The following DMD variants were observed in gnomAD, a reference collection of about 807,000 sequenced individuals.
DMD encodes the protein mutant dystrophin.
DMD carries 63 observed loss-of-function variants against 330.1 expected under a neutral mutation model. That is an observed-to-expected ratio of 0.19 (90% CI 0.16 to 0.24). The LOEUF is 0.24. Ranked by LOEUF, DMD falls within the 10% of genes least tolerant of loss-of-function variation. The pLI, the probability that DMD is intolerant of heterozygous loss-of-function variation, is 1.00. For synonymous variants in DMD, 1,223 were observed against 959.8 expected (o/e 1.27, Z -5.07); for missense variants, 3,344 against 2,684.1 (o/e 1.25, Z -5.43).
At chrX:31,351,159 T>TATACACAC (rs1556545835) in intron 60 of DMD, among the ~76,000 whole-genome samples, 6 of 105,138 alleles carry the variant, frequency 5.7e-5, no homozygotes, top group East Asian at 6.1e-4. Context: ...CATACATATA[T>TATACACAC]ACACACACAC....
At chrX:33,016,681 C>T (rs2093809449) in intron 2 of DMD, among the ~76,000 whole-genome samples, 1 of 111,803 alleles carries the variant, frequency 8.9e-6, no homozygotes, top group Non-Finnish European at 1.9e-5. Context: ...AAGATGATTA[C>T]TAAATTCAGT....
intron 39 of DMD, among the ~76,000 whole-genome samples, chrX:32,345,206 T>G (rs764567973): frequency 9.0e-6 from 1 of 111,466 alleles, no homozygotes; most frequent in South Asian, 3.7e-4. Flanking sequence ...TAGTGATTAT[T>G]GCAAAGCATA....
At chrX:31,900,575 G>A (rs2094408906) in intron 47 of DMD, among the ~76,000 whole-genome samples, 1 of 111,405 alleles carries the variant, frequency 9.0e-6, no homozygotes, top group Non-Finnish European at 1.9e-5. Flanking sequence ...TTTATCCGCA[G>A]TGTGAAAATG....
chrX:32,859,836 C>T (rs919212922), intron 2 of DMD, among the ~76,000 whole-genome samples: 10 of 111,319 alleles, frequency 9.0e-5, no homozygotes, highest in African/African-American at 3.3e-4. Context: ...AAAATTCAAC[C>T]TTTAATGGCT....
At position 31,765,583 on chromosome X, in the gene DMD, A is replaced by G. The variant is rs2089940594; in HGVS notation, c.7542+8377T>C. Among the ~76,000 whole-genome samples, 3 of 112,115 alleles carry G rather than the reference A, an allele frequency of 2.7e-5. No homozygotes were observed. The South Asian group carries it at 1.1e-3, about 41-fold the overall frequency. ...ATCAAAAGTAAGCACTTGAAGGAGG[A>G]AAGAAAATACTAGTAGTATTTAATT... On this transcript the variant is annotated intron_variant, in intron 51 of 78. Coordinates refer to ENST00000357033, the MANE Select transcript of DMD (RefSeq NM_004006.3).
chrX:32,256,275 A>G (rs1009057718), intron 43 of DMD, among the ~76,000 whole-genome samples: 10 of 109,583 alleles, frequency 9.1e-5, no homozygotes, highest in Non-Finnish European at 1.3e-4. Context: ...TTGTTGGTTT[A>G]AAGTCTGTTT....
chrX:33,012,607 TC>T (rs2093722282), intron 2 of DMD, among the ~76,000 whole-genome samples: 1 of 111,546 alleles, frequency 9.0e-6, no homozygotes, highest in African/African-American at 3.2e-5. Context: ...AAGGTGATAC[TC>T]ATTTAGTAGA....
intron 17 of DMD, among the ~76,000 whole-genome samples, chrX:32,520,522 A>G (rs2046314990): frequency 9.0e-6 from 1 of 111,598 alleles, no homozygotes; most frequent in South Asian, 3.7e-4. Context: ...GGTGTCCCTT[A>G]ACCAGTGAGA....
At chrX:32,506,517 G>A (rs1330155029) in intron 18 of DMD, among the ~76,000 whole-genome samples, 3 of 107,998 alleles carry the variant, frequency 2.8e-5, no homozygotes, top group African/African-American at 1.0e-4. Flanking sequence ...TAAATTAAGA[G>A]TAAAATTTAA....
chrX:32,092,884 A>G (rs905013038), intron 44 of DMD, among the ~76,000 whole-genome samples: 8 of 109,224 alleles, frequency 7.3e-5, no homozygotes, highest in African/African-American at 2.7e-4. Context: ...ATCACTATTA[A>G]AACGCAACTT....
chrX:31,702,810 C>T (rs773575059), intron 52 of DMD, among the ~76,000 whole-genome samples: 2 of 108,817 alleles, frequency 1.8e-5, no homozygotes, highest in Non-Finnish European at 1.9e-5. Flanking sequence ...TAATGTTAGC[C>T]TTTTGCACTC....
At chrX:33,278,213 A>G (rs1414261939) in intron 1 of DMD, among the ~76,000 whole-genome samples, 1 of 111,870 alleles carries the variant, frequency 8.9e-6, no homozygotes, top group African/African-American at 3.2e-5. Context: ...CAGGGGGTAT[A>G]TATGCAGGTT....
intron 7 of DMD, among the ~76,000 whole-genome samples, chrX:32,738,699 G>A (rs2068845735): frequency 8.9e-6 from 1 of 111,839 alleles, no homozygotes. Flanking sequence ...TCACCCGTCT[G>A]CAGAACAGAA....
At chrX:31,298,390 AACACACACACACACACACATAC>A (rs1556458386) in intron 62 of DMD, among the ~76,000 whole-genome samples, 20 of 81,402 alleles carry the variant, frequency 2.5e-4, no homozygotes, top group South Asian at 9.6e-4. Context: ...TTAGAATTCA[AACACACACACACACACACATAC>A]ACACACACAC....
chrX:31,916,251 A>T (rs777909713), intron 47 of DMD, among the ~76,000 whole-genome samples: 6 of 112,272 alleles, frequency 5.3e-5, no homozygotes, highest in Non-Finnish European at 1.1e-4. Flanking sequence ...GGGACCCCAC[A>T]GACTGTGTGC....
intron 2 of DMD, among the ~76,000 whole-genome samples, chrX:32,912,305 T>G (rs183390632): frequency 1.8e-5 from 2 of 110,636 alleles, no homozygotes; most frequent in Non-Finnish European, 3.8e-5. Flanking sequence ...TCCTTCACCA[T>G]CAGCCAAAGA....
chrX:31,675,424 G>C (rs2082021325), intron 53 of DMD, among the ~76,000 whole-genome samples: 1 of 111,875 alleles, frequency 8.9e-6, no homozygotes, highest in African/African-American at 3.3e-5. Flanking sequence ...GTGCAGTGGC[G>C]TGATCTTGGC....
chrX:33,148,474 TTAAAG>T (rs1030738231), intron 1 of DMD, among the ~76,000 whole-genome samples: 16 of 112,076 alleles, frequency 1.4e-4, no homozygotes, highest in African/African-American at 2.3e-4. Context: ...TTTTAAAGCC[TTAAAG>T]TAGAGTTAAA....
intron 4 of DMD, among the ~76,000 whole-genome samples, chrX:32,831,872 A>G (rs891295780): frequency 2.7e-5 from 3 of 111,121 alleles, no homozygotes; most frequent in African/African-American, 6.5e-5. Context: ...GCAGAAAGTT[A>G]TATCTCATTC....
Sources: allele counts gnomAD v4.1 joint callset (sites outside exome capture counted in the v4.1 genomes callset), GRCh38; gene constraint gnomAD v4.1.1; transcripts MANE v1.5; gene names NCBI Gene and HGNC (gene_info 2026-07-23, HGNC 2026-07-21).